SDK1: variants seen among roughly 807,000 people sequenced by gnomAD.
SDK1 encodes the protein protein sidekick-1.
Under a neutral mutation model 245.5 loss-of-function variants are expected in SDK1, and 157 were observed. The observed-to-expected ratio is 0.64, with a 90% confidence interval of 0.56 to 0.73. The LOEUF (loss-of-function observed/expected upper bound fraction) is 0.73, where lower values mean the gene tolerates loss of function less well. Among genes scored for constraint, SDK1 ranks in the 30% least tolerant of loss-of-function variants. SDK1 has a pLI of 0.00. For synonymous variants in SDK1, 1,647 were observed against 1,278.5 expected, an observed-to-expected ratio of 1.29 and a Z score of -6.15; for missense variants, 3,583 against 3,002.3, an observed-to-expected ratio of 1.19 and a Z score of -4.52.
intron 35 of SDK1, among the ~76,000 whole-genome samples, chr7:4,187,271 C>G (rs999683311): frequency 6.6e-6 from 1 of 152,180 alleles, no homozygotes; most frequent in African/African-American, 2.4e-5. Flanking sequence ...TATTTTCCAT[C>G]ATCCAATACA....
At chr7:3,867,151 G>A (rs1315661012) in intron 5 of SDK1, among the ~76,000 whole-genome samples, 1 of 152,148 alleles carries the variant, frequency 6.6e-6, no homozygotes, top group East Asian at 1.9e-4. Flanking sequence ...CACAGAAAAA[G>A]CTTGATTTTA....
At chr7:4,159,014 T>C (rs74626837) in intron 31 of SDK1, among the ~76,000 whole-genome samples, 3,559 of 152,286 alleles carry the variant, frequency 0.023, 161 homozygotes, top group African/African-American at 0.081. Context: ...TGGATTGTTA[T>C]TCTGTGTGGC....
At chr7:4,174,014 A>G (rs1283533909) in intron 32 of SDK1, among the ~76,000 whole-genome samples, 2 of 152,232 alleles carry the variant, frequency 1.3e-5, no homozygotes, top group East Asian at 3.9e-4. Flanking sequence ...ATGCACATGA[A>G]AACTGGGATT....
chr7:3,958,954 C>A lies in SDK1; in HGVS notation c.1174C>A (p.Pro392Thr). The part of the protein sequence containing the change: ...IIEPPYFTAE[P>T]ESRISAEVEE... ...AGAGCCACCATATTTTACTGCTGAG[C>A]CCGAGAGTCGGATTTCAGCTGAAGT... The change falls in exon 8 of 45, where the codon CCC becomes ACC. Residue 392 changes from proline to threonine, a missense_variant. By Grantham distance (38) the Pro-to-Thr change is conservative. Coordinates refer to ENST00000404826, the MANE Select transcript of SDK1 (RefSeq NM_152744.4). 1 of 1,613,820 alleles carries A rather than the reference C, an allele frequency of 6.2e-7. No individual in the cohort carries two copies. Among genetic ancestry groups the A allele is most frequent in the Non-Finnish European group, 8.5e-7 (1 of 1,179,860 alleles).
chr7:3,895,884 G>A (rs986496263), intron 5 of SDK1, among the ~76,000 whole-genome samples: 4 of 152,024 alleles, frequency 2.6e-5, no homozygotes, highest in East Asian at 1.9e-4. Context: ...ACTCTTTGGC[G>A]ATTTTCCAGA....
At chr7:4,034,789 G>C (rs1289406683) in intron 17 of SDK1, among the ~76,000 whole-genome samples, 1 of 152,128 alleles carries the variant, frequency 6.6e-6, no homozygotes, top group Non-Finnish European at 1.5e-5. Context: ...ATCATTAAGA[G>C]ACCGACTGAG....
intron 1 of SDK1, among the ~76,000 whole-genome samples, chr7:3,476,514 A>C (rs938145323): frequency 2.0e-5 from 3 of 152,240 alleles, no homozygotes; most frequent in East Asian, 3.8e-4. Flanking sequence ...GAAATCTTCT[A>C]ATACCTTATT....
intron 32 of SDK1, among the ~76,000 whole-genome samples, chr7:4,164,775 C>T (rs1169540457): frequency 1.3e-5 from 2 of 152,160 alleles, no homozygotes; most frequent in African/African-American, 4.8e-5. Flanking sequence ...CAGGGACGTG[C>T]CTAGTGCCAC....
intron 42 of SDK1, among the ~76,000 whole-genome samples, chr7:4,240,550 GT>G (rs1182691118): frequency 6.6e-6 from 1 of 152,100 alleles, no homozygotes; most frequent in Non-Finnish European, 1.5e-5. Context: ...GAGCATTAAG[GT>G]TTAAAGCACG....
intron 14 of SDK1, among the ~76,000 whole-genome samples, chr7:4,003,020 C>T (rs1277912054): frequency 1.3e-5 from 2 of 152,190 alleles, no homozygotes; most frequent in Non-Finnish European, 2.9e-5. Context: ...GGGCATCAGG[C>T]CCCCCAACAC....
At chr7:4,020,644 G>C (rs560281621) in intron 17 of SDK1, among the ~76,000 whole-genome samples, 14 of 152,194 alleles carry the variant, frequency 9.2e-5, no homozygotes, top group Non-Finnish European at 1.6e-4. Flanking sequence ...CAGGGGGACA[G>C]TGGTGGGGGC....
chr7:4,231,244 G>C (rs930122809), intron 40 of SDK1, among the ~76,000 whole-genome samples: 1 of 152,252 alleles, frequency 6.6e-6, no homozygotes, highest in Middle Eastern at 3.4e-3. Context: ...GAGTGTCTTG[G>C]TGAGAAATGG....
chr7:3,714,403 T>C (rs1037219691), intron 4 of SDK1, among the ~76,000 whole-genome samples: 1 of 152,242 alleles, frequency 6.6e-6, no homozygotes, highest in Non-Finnish European at 1.5e-5. Context: ...TTTACTCTCT[T>C]TTCAACCTGT....
At chr7:3,643,957 C>T (rs1376130701) in intron 4 of SDK1, among the ~76,000 whole-genome samples, 2 of 150,434 alleles carry the variant, frequency 1.3e-5, no homozygotes, top group Non-Finnish European at 3.0e-5. Context: ...GGCTGAGGTA[C>T]AGTGGCGTGA....
intron 1 of SDK1, among the ~76,000 whole-genome samples, chr7:3,354,104 T>TGCCTCA (rs950116765): frequency 1.3e-5 from 2 of 152,002 alleles, no homozygotes; most frequent in Admixed American, 6.6e-5. Flanking sequence ...ACCATTCTTT[T>TGCCTCA]GCCTCAGCCT....
At position 4,265,670 on chromosome 7, in the gene SDK1, G is replaced by A. The variant is rs756786745; in HGVS notation, c.*286G>A. On this transcript the variant is annotated 3_prime_UTR_variant, in exon 45 of 45. Coordinates refer to ENST00000404826, the MANE Select transcript of SDK1 (RefSeq NM_152744.4). Reference sequence around the variant, plus strand: ...ATGGCTTGGCACCTCCGGGGCCTGGGAGGACCTCAGACCTCCCCAGCCCTG... The same window carrying A: ...ATGGCTTGGCACCTCCGGGGCCTGGAAGGACCTCAGACCTCCCCAGCCCTG... 6.6e-6 allele frequency: 8 copies of A among 1,206,606 alleles called. No individual in the cohort carries two copies. The highest frequency in any genetic ancestry group is 8.2e-6 in the Non-Finnish European group (8 of 974,388). The allele number at this position is 1,206,606 out of a possible 1,614,324, so 74.7% of individuals were successfully genotyped here.
chr7:4,045,790 G>A (rs1788978734), intron 17 of SDK1, among the ~76,000 whole-genome samples: 4 of 152,144 alleles, frequency 2.6e-5, no homozygotes, highest in Admixed American at 2.6e-4. Context: ...TAGGGGTCCA[G>A]GGCATCCCAT....
At chr7:3,698,865 A>G (rs1054016562) in intron 4 of SDK1, among the ~76,000 whole-genome samples, 3 of 152,196 alleles carry the variant, frequency 2.0e-5, no homozygotes, top group African/African-American at 4.8e-5. Context: ...TCCTATCTCT[A>G]AATGCCATCT....
At chr7:4,250,048 T>A (rs980493301) in intron 44 of SDK1, among the ~76,000 whole-genome samples, 5 of 152,168 alleles carry the variant, frequency 3.3e-5, no homozygotes, top group African/African-American at 1.2e-4. Context: ...ACCACCCACA[T>A]ACACCTGCAG....
Sources: gnomAD v4.1 joint callset for allele counts (sites outside exome capture counted in the v4.1 genomes callset) on GRCh38, gnomAD v4.1.1 for gene constraint, MANE v1.5 for transcripts, NCBI Gene and HGNC (gene_info 2026-07-23, HGNC 2026-07-21) for gene names.